Variants in LCT observed in about 807,000 individuals in gnomAD.
LCT encodes the protein lactase.
In LCT, 90 loss-of-function variants were observed where a neutral mutation model predicts 173.0. That is an observed-to-expected ratio of 0.52 (90% CI 0.44 to 0.62). LCT has a LOEUF of 0.62. Among genes scored for constraint, LCT ranks in the 20% least tolerant of loss-of-function variants. The probability of loss-of-function intolerance (pLI) is 0.00; values close to 1 mark genes in which losing one functional copy is unlikely to be tolerated. For synonymous variants in LCT, 853 were observed against 957.6 expected (o/e 0.89, Z 2.02); for missense variants, 1,864 against 2,431.4 (o/e 0.77, Z 4.91).
intron 9 of LCT, among the ~76,000 whole-genome samples, chr2:135,806,768 T>A (rs1046846554): frequency 6.6e-6 from 1 of 152,212 alleles, no homozygotes; most frequent in Non-Finnish European, 1.5e-5. Context: ...CTCTGTGTGA[T>A]GTTCACACAA....
rs548022500 is a variant in LCT at position 135,818,809 on chromosome 2, C to CA, written c.987-749_987-748insT. 2.2e-4 allele frequency among the ~76,000 whole-genome samples: 34 copies of CA among 152,284 alleles called. No individual in the cohort carries two copies. The South Asian group carries it at 6.9e-3, about 31-fold the overall frequency. ...CTGAGATCACGCCATTGCACTCCAGCCTGGGCAACAAGAGTGAAACTCCGT... is the reference window on the plus strand; with the variant it reads ...CTGAGATCACGCCATTGCACTCCAGCACTGGGCAACAAGAGTGAAACTCCGT... On this transcript the variant is annotated intron_variant, in intron 5 of 16. Coordinates refer to ENST00000264162, the MANE Select transcript of LCT (RefSeq NM_002299.4).
At chr2:135,797,906 T>C (rs2077595266) in intron 13 of LCT, 123 bp downstream of exon 13, 1 of 733,096 alleles carries the variant, frequency 1.4e-6, no homozygotes, top group Non-Finnish European at 2.5e-6. Flanking sequence ...GGCTAAGCTT[T>C]ACATATATGA....
chr2:135,812,887 G>A lies in LCT; in HGVS notation c.1777C>T (p.Gln593Ter), dbSNP rs371765472. The part of the protein sequence containing the change: ...HHYNSHHRPQ[Q>*]QGHVGIVLNS... ...AGCACAATGCCCACGTGCCCCTGCT[G>A]CTGTGGGCGATGATGGCTGTTGTAG... The change falls in exon 7 of 17, where the codon CAG becomes TAG. Residue 593 changes from glutamine (Q) to a stop codon, truncating the protein, a stop_gained. Transcript: ENST00000264162. LOFTEE classifies it high-confidence loss of function. 1.2e-6 allele frequency: 2 copies of A among 1,614,102 alleles called. No individual in the cohort carries two copies. The highest frequency in any genetic ancestry group is 1.7e-5 in the Admixed American group (1 of 59,998).
chr2:135,788,159 TCAG>T lies in LCT; in HGVS notation c.*162_*164del. ...CAAGATGGAGATATTTCCATTTTAC[TCAG>T]CAAGTCGAAATCATTCAAGATTAAA... is the stretch of plus-strand genomic sequence containing the variant. On this transcript the variant is annotated 3_prime_UTR_variant, in exon 17 of 17. Transcript: ENST00000264162. The T allele has an allele frequency of 2.9e-6, 2 of 679,184 alleles. No homozygotes were observed. The highest frequency in any genetic ancestry group is 4.5e-5 in the Admixed American group (2 of 44,042). 42.1% of individuals were successfully genotyped at this position (679,184 alleles called of 1,614,324 possible).
At chr2:135,834,787 C>CACAAA (rs2077971253) in intron 1 of LCT, among the ~76,000 whole-genome samples, 1 of 34,166 alleles carries the variant, frequency 2.9e-5, no homozygotes, top group Admixed American at 6.7e-4. Flanking sequence ...GACTCCATCT[C>CACAAA]AAAAAAAAAA....
intron 13 of LCT, 111 bp from the exon 14 acceptor site, chr2:135,794,886 T>G (rs1439978114): frequency 2.5e-6 from 3 of 1,221,302 alleles, no homozygotes; most frequent in African/African-American, 1.5e-5. Context: ...CACTTGGCAG[T>G]GAGTAGGGGA....
intron 14 of LCT, among the ~76,000 whole-genome samples, chr2:135,793,973 A>C (rs1373963528): frequency 5.4e-5 from 1 of 18,402 alleles, no homozygotes; most frequent in Non-Finnish European, 3.5e-4. Flanking sequence ...CTAAAATACA[A>C]AAAAAAAAAA....
intron 5 of LCT, 83 bp downstream of exon 5, chr2:135,821,937 T>G: frequency 3.5e-6 from 3 of 865,390 alleles, no homozygotes; most frequent in Non-Finnish European, 6.0e-6. Context: ...ATGACAACAG[T>G]CCTATAAGAT....
chr2:135,817,860 G>A lies in LCT; in HGVS notation c.1188C>T (p.Asn396=), dbSNP rs753445014. The change falls in exon 6 of 17, where the codon AAC becomes AAT. Residue 396 remains asparagine (N), a synonymous_variant. Transcript: ENST00000264162. ...CACCCTCGGCCCAGCCTCCTTCCACGTTAAAGGCTCCTGTGGAGGCACCCC... is the reference window on the plus strand; with the variant it reads ...CACCCTCGGCCCAGCCTCCTTCCACATTAAAGGCTCCTGTGGAGGCACCCC... ...FLWGASTGAF[N]VEGGWAEGGR... 42 of 1,614,064 alleles carry A rather than the reference G, an allele frequency of 2.6e-5. No homozygotes were observed. Among genetic ancestry groups the A allele is most frequent in the Admixed American group, 3.3e-5 (2 of 60,016 alleles).
chr2:135,803,902 G>C (rs939187664), intron 11 of LCT, 28 bp downstream of exon 11: 1 of 1,597,262 alleles, frequency 6.3e-7, no homozygotes, highest in Non-Finnish European at 8.6e-7. Flanking sequence ...ATGATTCAAA[G>C]AGCCTATGAG....
In LCT at chr2:135,804,961, C is replaced by G. The variant is rs762207096; in HGVS notation, c.4270G>C (p.Val1424Leu). The change falls in exon 10 of 17, where the codon GTG becomes CTG. Residue 1424 changes from valine (V) to leucine (L), a missense_variant. Physicochemically the swap from Val to Leu is conservative, Grantham distance 32 (BLOSUM62 1). Around this residue, in one of 4 missense-constraint regions of LCT, gnomAD observed 514 missense variants for 750.1 expected, o/e 0.69. Coordinates refer to ENST00000264162, the MANE Select transcript of LCT (RefSeq NM_002299.4). ...ATCTTGTGATAACTGTCACAGGCCA[C>G]GTCTCCAATGGCATCGTTCTCAACC... The part of the protein sequence containing the change: ...LRVENDAIGD[V>L]ACDSYHKIAE... The G allele has an allele frequency of 6.2e-7, 1 of 1,614,152 alleles. No homozygotes were observed. The highest frequency in any genetic ancestry group is 8.5e-7 in the Non-Finnish European group (1 of 1,180,010).
chr2:135,828,811 G>A (rs1420071820), intron 3 of LCT, among the ~76,000 whole-genome samples: 1 of 152,176 alleles, frequency 6.6e-6, no homozygotes, highest in Admixed American at 6.5e-5. Context: ...GAGCTTACTG[G>A]AAGGTCCAGA....
At chr2:135,813,833 C>A (rs181828045) in intron 6 of LCT, among the ~76,000 whole-genome samples, 1 of 152,180 alleles carries the variant, frequency 6.6e-6, no homozygotes, top group Non-Finnish European at 1.5e-5. Context: ...AATGGAATCT[C>A]GGAAGAAAAA....
In LCT at chr2:135,790,891, C is replaced by CA. The variant is rs1293148789; in HGVS notation, c.5112-11dup. The CA allele has an allele frequency of 5.0e-6, 8 of 1,603,226 alleles. No homozygotes were observed. Among genetic ancestry groups the CA allele is most frequent in the Non-Finnish European group, 6.8e-6 (8 of 1,170,228 alleles). ...GATGGAAGCAACTCCTCTACAAGTT[C>CA]AAAAACTAAAGATGAGGTCTTGTTT... On this transcript the variant is annotated splice_polypyrimidine_tract_variant and intron_variant, in intron 14 of 16. Coordinates refer to ENST00000264162, the MANE Select transcript of LCT (RefSeq NM_002299.4). The surrounding 1 kb of genome is among the most constrained non-coding windows in gnomAD (Gnocchi z 4.1).
intron 2 of LCT, among the ~76,000 whole-genome samples, chr2:135,831,039 C>T (rs2077932981): frequency 6.6e-6 from 1 of 152,204 alleles, no homozygotes; most frequent in East Asian, 1.9e-4. Flanking sequence ...ACTTCGGATG[C>T]CTGTGCAGGC....
chr2:135,803,457 A>G (rs1271961259), intron 11 of LCT, among the ~76,000 whole-genome samples: 1 of 152,210 alleles, frequency 6.6e-6, no homozygotes, highest in Non-Finnish European at 1.5e-5. Flanking sequence ...AAGCACACTG[A>G]TATCTCTGCA....
intron 3 of LCT, among the ~76,000 whole-genome samples, chr2:135,827,395 A>G (rs548096455): frequency 5.9e-5 from 9 of 152,294 alleles, no homozygotes; most frequent in Non-Finnish European, 1.0e-4. Context: ...GGTTGAGATG[A>G]TGTGAGAATG....
At chr2:135,812,193 T>C in intron 7 of LCT, 118 bp downstream of exon 7, 3 of 865,988 alleles carry the variant, frequency 3.5e-6, no homozygotes, top group South Asian at 2.6e-5. Context: ...CTCCCCACTA[T>C]TATGCTTTCT....
At position 135,807,261 on chromosome 2, in the gene LCT, G is replaced by C; in HGVS notation, c.4040C>G (p.Thr1347Arg). 1.2e-6 allele frequency: 2 copies of C among 1,614,198 alleles called. No homozygotes were observed. Among genetic ancestry groups the C allele is most frequent in the Non-Finnish European group, 1.7e-6 (2 of 1,180,024 alleles). ...VDFNNTNRPR[T>R]ARASARYYTE... ...GTAGTACCTGGCGGAGGCTCTTGCT[G>C]TGCGAGGCCTGTTCGTGTTGTTGAA... The change falls in exon 9 of 17, where the codon ACA becomes AGA. Residue 1347 changes from threonine (T) to arginine (R), a missense_variant. Coordinates refer to ENST00000264162, the MANE Select transcript of LCT (RefSeq NM_002299.4).
Sources: allele counts gnomAD v4.1 joint callset (sites outside exome capture counted in the v4.1 genomes callset), GRCh38; gene constraint gnomAD v4.1.1; regional missense constraint gnomAD v4.1.1; non-coding constraint Gnocchi (gnomAD v3.1); transcripts MANE v1.5; gene names NCBI Gene and HGNC (gene_info 2026-07-23, HGNC 2026-07-21).